The following ADGRL2 variants were observed in gnomAD, a reference collection of about 807,000 sequenced individuals.
ADGRL2 encodes the protein calcium-independent alpha-latrotoxin receptor 2.
In ADGRL2, 44 loss-of-function variants were observed where a neutral mutation model predicts 157.4. The ratio of observed to expected loss-of-function variants is 0.28; its 90% CI spans 0.22 to 0.36. ADGRL2 has a LOEUF of 0.36. Ranked by LOEUF, ADGRL2 falls within the 10% of genes least tolerant of loss-of-function variation. The pLI, the probability that ADGRL2 is intolerant of heterozygous loss-of-function variation, is 1.00. For missense variants in ADGRL2, 1,510 were observed against 1,768.9 expected (o/e 0.85, Z 2.63); for synonymous variants, 585 against 624.7 (o/e 0.94, Z 0.95).
At chr1:81,413,927 G>A (rs184907236) in intron 1 of ADGRL2, among the ~76,000 whole-genome samples, 1 of 152,286 alleles carries the variant, frequency 6.6e-6, no homozygotes, top group East Asian at 1.9e-4. Context: ...GGGAAAAGGA[G>A]TCCTATTGCC....
At position 81,883,101 on chromosome 1, in the gene ADGRL2, TA is replaced by T. The variant is rs528619034; in HGVS notation, c.74-23914del. 1.9e-3 allele frequency among the ~76,000 whole-genome samples: 292 copies of T among 152,326 alleles called. 5 individuals carry two copies. The highest frequency in any genetic ancestry group is 6.7e-3 in the African/African-American group (280 of 41,590). ...GGTTTGTGAAACCCAGGCATATAAT[TA>T]ACTTCCCCAGTTAAGGTATGGTTTG... is the stretch of plus-strand genomic sequence containing the variant. On this transcript the variant is annotated intron_variant, in intron 2 of 23. Transcript: ENST00000686636.
intron 1 of ADGRL2, among the ~76,000 whole-genome samples, chr1:81,391,534 AT>A (rs1237314367): frequency 1.3e-5 from 2 of 152,240 alleles, no homozygotes; most frequent in Non-Finnish European, 2.9e-5. Context: ...TGGCTCACAT[AT>A]TTTTTTCTCT....
chr1:81,753,447 A>G (rs983846365), intron 1 of ADGRL2, among the ~76,000 whole-genome samples: 1 of 152,224 alleles, frequency 6.6e-6, no homozygotes, highest in African/African-American at 2.4e-5. Flanking sequence ...GGAAGCTACA[A>G]GATGAGATTT....
chr1:81,765,211 A>G (rs1350844617), intron 2 of ADGRL2, among the ~76,000 whole-genome samples: 1 of 152,004 alleles, frequency 6.6e-6, no homozygotes, highest in East Asian at 1.9e-4. Flanking sequence ...TTATATTTCT[A>G]ATAGGTTTAG....
rs150765221 is a variant in ADGRL2, at chr1:81,848,390, A to G, written c.73+11333A>G. ...TTAGTAGTGTAGAATTTTTCATTTT[A>G]CAGATGAAGAAACTAAGGCCTGCAG... On this transcript the variant is annotated intron_variant, in intron 2 of 23. Coordinates refer to ENST00000686636, the MANE Select transcript of ADGRL2 (RefSeq NM_001366006.2). Among the ~76,000 whole-genome samples, 91 of 151,888 alleles carry G rather than the reference A, an allele frequency of 6.0e-4. 1 individual carries two copies. The highest frequency in any genetic ancestry group is 6.8e-3 in the Middle Eastern group (2 of 294).
intron 10 of ADGRL2, 97 bp downstream of exon 10, chr1:81,953,122 A>G: frequency 2.0e-6 from 2 of 1,000,200 alleles, no homozygotes; most frequent in Non-Finnish European, 3.1e-6. Context: ...TCAGTCTTTG[A>G]TAATTATATA....
intron 1 of ADGRL2, among the ~76,000 whole-genome samples, chr1:81,407,494 G>A (rs1050138864): frequency 1.3e-5 from 2 of 152,182 alleles, no homozygotes; most frequent in East Asian, 1.9e-4. Context: ...TTCAGATCAT[G>A]AAAGAAAATG....
intron 2 of ADGRL2, among the ~76,000 whole-genome samples, chr1:81,544,090 G>A (rs2079955503): frequency 1.3e-5 from 2 of 152,018 alleles, no homozygotes; most frequent in South Asian, 4.2e-4. Flanking sequence ...AACCCATCTG[G>A]CAACCCTGAT....
chr1:81,854,396 T>C (rs1399615814), intron 2 of ADGRL2, among the ~76,000 whole-genome samples: 2 of 152,174 alleles, frequency 1.3e-5, no homozygotes, highest in Admixed American at 6.5e-5. Flanking sequence ...ACAGAAAGTA[T>C]AATATACTCA....
intron 1 of ADGRL2, among the ~76,000 whole-genome samples, chr1:81,436,448 T>G (rs1009536159): frequency 2.0e-5 from 3 of 151,912 alleles, no homozygotes; most frequent in African/African-American, 7.3e-5. Context: ...TGAACTATTT[T>G]TTTTCCTCGC....
At chr1:81,448,831 C>T (rs1167673293) in intron 2 of ADGRL2, among the ~76,000 whole-genome samples, 2 of 152,214 alleles carry the variant, frequency 1.3e-5, no homozygotes, top group Non-Finnish European at 2.9e-5. Context: ...TATTTGGAGA[C>T]TATTTTTCTT....
At chr1:81,862,439 T>C (rs1395350478) in intron 2 of ADGRL2, among the ~76,000 whole-genome samples, 2 of 152,196 alleles carry the variant, frequency 1.3e-5, no homozygotes, top group African/African-American at 2.4e-5. Context: ...GTAAGTACTC[T>C]TTTCATTTAG....
intron 2 of ADGRL2, among the ~76,000 whole-genome samples, chr1:81,459,955 T>C (rs2077891875): frequency 6.6e-6 from 1 of 152,032 alleles, no homozygotes; most frequent in African/African-American, 2.4e-5. Flanking sequence ...CAATTTTGCA[T>C]TCCTACCAGC....
intron 1 of ADGRL2, among the ~76,000 whole-genome samples, chr1:81,717,030 C>T (rs746192198): frequency 3.9e-5 from 6 of 152,180 alleles, no homozygotes; most frequent in Non-Finnish European, 8.8e-5. Flanking sequence ...TCACTAAAAT[C>T]CTGCATTAAG....
chr1:81,721,858 G>T, intron 1 of ADGRL2: 1 of 729,070 alleles, frequency 1.4e-6, no homozygotes. Flanking sequence ...ATACCAAGGG[G>T]AAAAAAAAAA....
intron 3 of ADGRL2, among the ~76,000 whole-genome samples, chr1:81,613,357 C>T (rs1409083182): frequency 5.3e-5 from 8 of 152,086 alleles, no homozygotes; most frequent in Non-Finnish European, 1.5e-5. Context: ...AAGCAAGGCA[C>T]AAAAACAAAC....
chr1:81,969,697 A>G (rs1247278369), intron 15 of ADGRL2, among the ~76,000 whole-genome samples: 1 of 152,200 alleles, frequency 6.6e-6, no homozygotes, highest in African/African-American at 2.4e-5. Context: ...TTTTGTTTAC[A>G]TAGTCATTCT....
At chr1:81,357,292 AT>A (rs201129376) in intron 1 of ADGRL2, among the ~76,000 whole-genome samples, 6,046 of 152,140 alleles carry the variant, frequency 0.04, 148 homozygotes, top group Middle Eastern at 0.1. Context: ...AGGCTCCCAG[AT>A]TCCCTCTCTC....
At chr1:81,625,358 A>G (rs901582045) in intron 3 of ADGRL2, among the ~76,000 whole-genome samples, 68 of 152,092 alleles carry the variant, frequency 4.5e-4, no homozygotes, top group African/African-American at 1.5e-3. Context: ...TAGATTTTTC[A>G]TTACAAAATA....
Sources: allele counts gnomAD v4.1 joint callset (sites outside exome capture counted in the v4.1 genomes callset), GRCh38; gene constraint gnomAD v4.1.1; transcripts MANE v1.5; gene names NCBI Gene and HGNC (gene_info 2026-07-23, HGNC 2026-07-21).